The following AK5 variants were observed in gnomAD, a reference collection of about 807,000 sequenced individuals.
The protein encoded by AK5 is adenylate kinase 5, also known as adenylate kinase isoenzyme 5.
AK5 carries 27 observed loss-of-function variants against 69.5 expected under a neutral mutation model. The observed-to-expected ratio is 0.39, with a 90% CI of 0.29 to 0.54. AK5 has a LOEUF of 0.54. Ranked by LOEUF, AK5 falls within the 20% of genes least tolerant of loss-of-function variation. AK5 has a pLI of 0.71. For synonymous variants in AK5, 260 were observed against 244.4 expected (o/e 1.06, Z -0.60); for missense variants, 531 against 700.4 (o/e 0.76, Z 2.73).
chr1:77,457,443 T>G (rs918266431), intron 8 of AK5, among the ~76,000 whole-genome samples: 6 of 152,216 alleles, frequency 3.9e-5, no homozygotes, highest in African/African-American at 1.4e-4. Flanking sequence ...ATTTTCTACC[T>G]AAATTTTCTA....
chr1:77,290,200 C>T (rs1427948972), intron 2 of AK5, among the ~76,000 whole-genome samples: 4 of 152,126 alleles, frequency 2.6e-5, no homozygotes, highest in African/African-American at 7.2e-5. Flanking sequence ...TGCTAAAAAA[C>T]GGAAAATGAT....
chr1:77,333,127 C>G (rs1278138027), intron 5 of AK5, among the ~76,000 whole-genome samples: 1 of 152,144 alleles, frequency 6.6e-6, no homozygotes, highest in African/African-American at 2.4e-5. Flanking sequence ...TACGAGCTTT[C>G]TGTTGTTTAG....
At chr1:77,298,718 G>A (rs2100249601) in intron 5 of AK5, among the ~76,000 whole-genome samples, 1 of 151,792 alleles carries the variant, frequency 6.6e-6, no homozygotes, top group Admixed American at 6.6e-5. Flanking sequence ...CAGCTACTCA[G>A]GAGGCTAAGA....
At chr1:77,414,582 G>A (rs1000382408) in intron 7 of AK5, among the ~76,000 whole-genome samples, 1 of 152,136 alleles carries the variant, frequency 6.6e-6, no homozygotes, top group African/African-American at 2.4e-5. Flanking sequence ...TATTTCTGAA[G>A]GCCATTCTAA....
intron 10 of AK5, among the ~76,000 whole-genome samples, chr1:77,500,393 A>G (rs1328360071): frequency 2.6e-5 from 4 of 151,928 alleles, no homozygotes; most frequent in Non-Finnish European, 5.9e-5. Flanking sequence ...AAAACAGATA[A>G]CAGTTATATT....
chr1:77,546,957 GC>G (rs1286723014), intron 13 of AK5, among the ~76,000 whole-genome samples: 1 of 152,212 alleles, frequency 6.6e-6, no homozygotes, highest in Non-Finnish European at 1.5e-5. Flanking sequence ...CGCCAGGAAT[GC>G]TGGCCCAGAT....
intron 8 of AK5, among the ~76,000 whole-genome samples, chr1:77,439,761 TATGTATATACATATATATGTATGTATAC>T (rs936086860): frequency 1.6e-4 from 24 of 151,994 alleles, no homozygotes; most frequent in Admixed American, 1.2e-3. Context: ...AAAGAATATG[TATGTATATACATATATATGTATGTATAC>T]ATGTATATGT....
intron 6 of AK5, among the ~76,000 whole-genome samples, chr1:77,345,130 T>C (rs1314305075): frequency 1.3e-5 from 2 of 152,162 alleles, no homozygotes; most frequent in African/African-American, 4.8e-5. Flanking sequence ...CTTGTGTGCA[T>C]TGAAAAAATG....
intron 6 of AK5, among the ~76,000 whole-genome samples, chr1:77,367,555 T>TATATATATATATATATATATATATATATA (rs1553139660): frequency 1.7e-5 from 1 of 59,298 alleles, no homozygotes; most frequent in Non-Finnish European, 2.8e-5. Context: ...TTTATGTTAT[T>TATATATATATATATATATATATATATATA]TTTATATATA....
chr1:77,439,851 C>G (rs1652211828), intron 8 of AK5, among the ~76,000 whole-genome samples: 1 of 150,294 alleles, frequency 6.7e-6, no homozygotes, highest in African/African-American at 2.5e-5. Flanking sequence ...CTTATTCATT[C>G]ATCCATTGAT....
intron 8 of AK5, among the ~76,000 whole-genome samples, chr1:77,418,621 C>A (rs1264776497): frequency 6.6e-6 from 1 of 152,218 alleles, no homozygotes; most frequent in African/African-American, 2.4e-5. Context: ...AATGAGCCAA[C>A]CCCCTAATTA....
intron 8 of AK5, among the ~76,000 whole-genome samples, chr1:77,438,319 AAAAAAC>A (rs1652095155): frequency 6.5e-5 from 4 of 61,332 alleles, no homozygotes; most frequent in Admixed American, 2.8e-4. Context: ...AAAAAAAAAA[AAAAAAC>A]AAGCTTGGGG....
chr1:77,320,880 A>G lies in AK5; in HGVS notation c.700-19497A>G, dbSNP rs1660494876. Reference sequence around the variant, plus strand: ...TCCATAGTGGTGAATGCATCAATTCATCAGAAAGACATACAATTTATAAAT... The same window carrying G: ...TCCATAGTGGTGAATGCATCAATTCGTCAGAAAGACATACAATTTATAAAT... On this transcript the variant is annotated intron_variant, in intron 5 of 13. Coordinates refer to ENST00000354567, the MANE Select transcript of AK5 (RefSeq NM_174858.3). Among the ~76,000 whole-genome samples the G allele has an allele frequency of 2.6e-5, 4 of 152,366 alleles. No individual in the cohort carries two copies. The South Asian group carries it at 8.3e-4, about 32-fold the overall frequency.
intron 13 of AK5, among the ~76,000 whole-genome samples, chr1:77,558,067 C>CTAT: frequency 6.6e-6 from 1 of 152,136 alleles, no homozygotes; most frequent in Admixed American, 6.5e-5. Context: ...ATTCCCCTGT[C>CTAT]CATCTGGATA....
At chr1:77,512,443 T>C (rs972877775) in intron 10 of AK5, among the ~76,000 whole-genome samples, 2 of 152,222 alleles carry the variant, frequency 1.3e-5, no homozygotes, top group Non-Finnish European at 2.9e-5. Context: ...CCCTTCATTG[T>C]AAATAGCTTT....
chr1:77,453,946 C>T (rs1202687436), intron 8 of AK5, among the ~76,000 whole-genome samples: 3 of 152,146 alleles, frequency 2.0e-5, no homozygotes, highest in Admixed American at 1.3e-4. Context: ...AGTCATTGTA[C>T]GGGGAGCCCC....
At chr1:77,366,276 A>G (rs563787191) in intron 6 of AK5, among the ~76,000 whole-genome samples, 2 of 152,242 alleles carry the variant, frequency 1.3e-5, no homozygotes, top group South Asian at 4.1e-4. Flanking sequence ...CCCCCAGAGA[A>G]TTTCTCTGCA....
chr1:77,483,413 T>C (rs1296399725), intron 9 of AK5, 54 bp downstream of exon 9: 4 of 1,388,816 alleles, frequency 2.9e-6, no homozygotes, highest in African/African-American at 2.8e-5. Flanking sequence ...ACTTTGACCA[T>C]GCCTTTTTAA....
intron 11 of AK5, among the ~76,000 whole-genome samples, chr1:77,520,589 TCATA>T (rs1657925094): frequency 6.6e-6 from 1 of 152,186 alleles, no homozygotes; most frequent in South Asian, 2.1e-4. Context: ...TGCTCTCCCT[TCATA>T]CAGTCACATA....
Sources: gnomAD v4.1 joint callset for allele counts (sites outside exome capture counted in the v4.1 genomes callset) on GRCh38, gnomAD v4.1.1 for gene constraint, MANE v1.5 for transcripts, NCBI Gene and HGNC (gene_info 2026-07-23, HGNC 2026-07-21) for gene names.